The following ACBD5 variants were observed in gnomAD, a reference collection of about 807,000 sequenced individuals.
ACBD5 encodes acyl-CoA-binding domain-containing protein 5.
In ACBD5, 40 loss-of-function variants were observed where a neutral mutation model predicts 71.8. That is an observed-to-expected ratio of 0.56 (90% CI 0.43 to 0.72). The LOEUF is 0.72. Among genes scored for constraint, ACBD5 ranks in the 30% least tolerant of loss-of-function variants. The probability of loss-of-function intolerance (pLI) is 0.00; values close to 1 mark genes in which losing one functional copy is unlikely to be tolerated. For missense variants in ACBD5, 559 were observed against 644.5 expected, an observed-to-expected ratio of 0.87 and a Z score of 1.44; for synonymous variants, 229 against 218.6, an observed-to-expected ratio of 1.05 and a Z score of -0.42.
intron 6 of ACBD5, 62 bp from the exon 7 acceptor site, chr10:27,218,245 T>C: frequency 3.9e-6 from 5 of 1,267,008 alleles, no homozygotes; most frequent in Non-Finnish European, 5.7e-6. Flanking sequence ...CTGCATACCA[T>C]GTTTTAATAT....
rs1014395528 is a variant in ACBD5 at position 27,219,002 on chromosome 10, T to C, written c.625+721A>G. 9.9e-5 allele frequency among the ~76,000 whole-genome samples: 15 copies of C among 152,274 alleles called. 4 individuals are homozygous for C. The highest frequency in any genetic ancestry group is 7.9e-4 in the Admixed American group (12 of 15,280). On this transcript the variant is annotated intron_variant, in intron 6 of 12. Coordinates refer to ENST00000396271, the MANE Select transcript of ACBD5 (RefSeq NM_145698.5). ...CCATAATTCCAATGTTCCTTCTTCATGAAAATTTATGCCTGTAGGCCGGGT... is the reference window on the plus strand; with the variant it reads ...CCATAATTCCAATGTTCCTTCTTCACGAAAATTTATGCCTGTAGGCCGGGT...
intron 6 of ACBD5, among the ~76,000 whole-genome samples, chr10:27,218,552 C>A (rs953221722): frequency 3.3e-5 from 5 of 151,434 alleles, no homozygotes; most frequent in Non-Finnish European, 7.4e-5. Context: ...ATTTGTCATA[C>A]CTTACTGGAA....
At chr10:27,192,217 A>G (rs1407415162), downstream of ACBD5, among the ~76,000 whole-genome samples, 2 of 151,300 alleles carry the variant, frequency 1.3e-5, no homozygotes, top group African/African-American at 2.4e-5. Flanking sequence ...AAACTGGAAA[A>G]CCTACAAGAA....
chr10:27,240,839 G>A (rs1381170488), upstream of ACBD5: 6 of 1,233,618 alleles, frequency 4.9e-6, no homozygotes, highest in Non-Finnish European at 5.7e-6. This position sits in a 1 kb window ranked among gnomAD's most constrained non-coding sequence, Gnocchi z 4.1. Flanking sequence ...CAGAGTCACC[G>A]GAGGACCCAC....
In ACBD5 at chr10:27,217,844, T is replaced by C. The variant is rs59638069; in HGVS notation, c.829+136A>G. 0.043 allele frequency: 36,115 copies of C among 836,182 alleles called. 1,553 individuals carry two copies. Among genetic ancestry groups the C allele is most frequent in the African/African-American group, 0.17 (9,834 of 57,792 alleles). 51.8% of individuals were successfully genotyped at this position (836,182 alleles called of 1,614,324 possible). On this transcript the variant is annotated intron_variant, in intron 7 of 12. Coordinates refer to ENST00000396271, the MANE Select transcript of ACBD5 (RefSeq NM_145698.5). ...ATTCACTCTTTTTCAAAACTATAAATGCTTATAATATTAATAAGCCCTAAG... is the reference window on the plus strand; with the variant it reads ...ATTCACTCTTTTTCAAAACTATAAACGCTTATAATATTAATAAGCCCTAAG...
intron 2 of ACBD5, among the ~76,000 whole-genome samples, chr10:27,237,621 C>CTTTTTTTT (rs60724833): frequency 7.5e-6 from 1 of 133,668 alleles, no homozygotes; most frequent in Non-Finnish European, 1.6e-5. Flanking sequence ...GATAGGATAT[C>CTTTTTTTT]TTTTTTTTTT....
At chr10:27,203,041 A>C (rs943565725) in intron 12 of ACBD5, among the ~76,000 whole-genome samples, 2 of 126,356 alleles carry the variant, frequency 1.6e-5, no homozygotes, top group Admixed American at 1.1e-4. Flanking sequence ...TGGCATGATC[A>C]TGACTCAGGG....
chr10:27,204,138 C>CAAAA (rs11346187), intron 12 of ACBD5, among the ~76,000 whole-genome samples: 3 of 45,744 alleles, frequency 6.6e-5, no homozygotes, highest in African/African-American at 9.2e-5. Context: ...GACCCAGTCT[C>CAAAA]AAAAAAAAAA....
intron 4 of ACBD5, among the ~76,000 whole-genome samples, chr10:27,226,835 G>A (rs2063105433): frequency 6.6e-6 from 1 of 151,188 alleles, no homozygotes; most frequent in Admixed American, 6.6e-5. Flanking sequence ...TGTATTTTTA[G>A]TAGAGACGGG....
chr10:27,210,776 A>G (rs754404291), intron 9 of ACBD5, 38 bp downstream of exon 9: 2 of 1,613,854 alleles, frequency 1.2e-6, no homozygotes, highest in South Asian at 2.2e-5. Context: ...AAGTAAGTAA[A>G]TCAATAAAGG....
At position 27,240,187 on chromosome 10, in the gene ACBD5, A is replaced by G. The variant is rs2065294780; in HGVS notation, c.181+132T>C. On this transcript the variant is annotated intron_variant, in intron 2 of 12. Transcript: ENST00000396271. This position sits in a 1 kb window ranked among gnomAD's most constrained non-coding sequence, Gnocchi z 4.1. ...TCAAAAGGTAATTAATTCATATTCA[A>G]TAGCTCCCCTTCCACTACATGGCTC... 3.6e-6 allele frequency: 5 copies of G among 1,397,164 alleles called. No homozygotes were observed. The highest frequency in any genetic ancestry group is 4.9e-6 in the Non-Finnish European group (5 of 1,020,666). 86.5% of individuals were successfully genotyped at this position (1,397,164 alleles called of 1,614,324 possible). A position where few individuals can be genotyped will look rare whatever the true frequency, so the allele number is the denominator to read the frequency against.
intron 5 of ACBD5, among the ~76,000 whole-genome samples, chr10:27,222,633 T>A (rs779589443): frequency 6.6e-6 from 1 of 151,838 alleles, no homozygotes; most frequent in Non-Finnish European, 1.5e-5. Context: ...TGCAGCAGAG[T>A]GATCTCGTCT....
rs879579491 is a variant in ACBD5 at position 27,205,449 on chromosome 10, AACTAAT to A, written c.1405-207_1405-202del. ...GCTAACTATACTTTGATTATCCTGA[AACTAAT>A]ACTTACCAAAGGACAAGTTCCCTAA... On this transcript the variant is annotated intron_variant, in intron 10 of 12. Transcript: ENST00000396271. Among the ~76,000 whole-genome samples, 98 of 152,168 alleles carry A rather than the reference AACTAAT, an allele frequency of 6.4e-4. 1 individual carries two copies. The highest frequency in any genetic ancestry group is 3.4e-3 in the Middle Eastern group (1 of 294).
chr10:27,203,115 G>C (rs2060103418), intron 12 of ACBD5, among the ~76,000 whole-genome samples: 1 of 151,160 alleles, frequency 6.6e-6, no homozygotes, highest in Non-Finnish European at 1.5e-5. Flanking sequence ...TCTGGGACTA[G>C]AGGTGTGCAC....
At chr10:27,212,357 C>G (rs2061181694) in intron 8 of ACBD5, among the ~76,000 whole-genome samples, 1 of 152,084 alleles carries the variant, frequency 6.6e-6, no homozygotes. Context: ...TTTAGTCCAT[C>G]AACTGATTGA....
intron 2 of ACBD5, among the ~76,000 whole-genome samples, chr10:27,238,050 A>G (rs2064980752): frequency 1.3e-5 from 2 of 151,858 alleles, no homozygotes; most frequent in Admixed American, 1.3e-4. Context: ...GGTTCACGCC[A>G]TTCTCCTGCC....
rs2138620357 is a variant in ACBD5, at chr10:27,240,451, A to G, written c.49T>C (p.Cys17Arg). Residue 17 changes from cysteine to arginine, a missense_variant, in exon 2 of 13, where the codon TGC (cysteine) becomes CGC (arginine). By Grantham distance (180) the Cys-to-Arg change is radical. Coordinates refer to ENST00000396271, the MANE Select transcript of ACBD5 (RefSeq NM_145698.5). The surrounding 1 kb of genome is among the most constrained non-coding windows in gnomAD (Gnocchi z 4.1). ...HAGSWESWCC[C>R]CLIPADRPWD... ...GGTCTGTCGGCGGGAATCAGGCAGCAGCAGCACCAGCTTTCCCAAGAGCCT... is the reference window on the plus strand; with the variant it reads ...GGTCTGTCGGCGGGAATCAGGCAGCGGCAGCACCAGCTTTCCCAAGAGCCT... 1 of 1,613,808 alleles carries G rather than the reference A, an allele frequency of 6.2e-7. No homozygotes were observed.
chr10:27,184,370 C>G (rs1300973198), intron 13 of ACBD5, among the ~76,000 whole-genome samples: 1 of 152,016 alleles, frequency 6.6e-6, no homozygotes, highest in Non-Finnish European at 1.5e-5. Flanking sequence ...TTTTTCAAGG[C>G]ACTTCAGACT....
In ACBD5 at chr10:27,205,201, T is replaced by G. The variant is rs2136837325; in HGVS notation, c.1452A>C (p.Ser484=). ...STLQTAPQPT[S]QRPSWWPFEM... is the part of the protein sequence containing the mutation. ...AATTTTTTAAAAAATGTCTTACCTG[T>G]GAGGTGGGCTGAGGAGCAGTCTGCA... The change falls in exon 11 of 13, where the codon TCA becomes TCC. Residue 484 remains serine, a synonymous_variant. Transcript: ENST00000396271. 2 of 1,612,766 alleles carry G rather than the reference T, an allele frequency of 1.2e-6. No individual in the cohort carries two copies. The highest frequency in any genetic ancestry group is 1.7e-6 in the Non-Finnish European group (2 of 1,179,316).
Sources: gnomAD v4.1 joint callset for allele counts (sites outside exome capture counted in the v4.1 genomes callset) on GRCh38, gnomAD v4.1.1 for gene constraint, Gnocchi (gnomAD v3.1) non-coding constraint, MANE v1.5 for transcripts, NCBI Gene and HGNC (gene_info 2026-07-23, HGNC 2026-07-21) for gene names.